The following PRKACB variants were observed in gnomAD, a reference collection of about 807,000 sequenced individuals.
PRKACB encodes the protein protein kinase cAMP-activated catalytic subunit beta, also known as cAMP-dependent protein kinase catalytic subunit beta.
Under a neutral mutation model 51.4 loss-of-function variants are expected in PRKACB, and 16 were observed. The ratio of observed to expected loss-of-function variants is 0.31; its 90% CI spans 0.21 to 0.47. The LOEUF (loss-of-function observed/expected upper bound fraction) is 0.47. Among genes scored for constraint, PRKACB ranks in the 20% least tolerant of loss-of-function variants. The pLI is 1.00. For synonymous variants in PRKACB, 147 were observed against 154.4 expected (o/e 0.95, Z 0.35); for missense variants, 309 against 464.5 (o/e 0.67, Z 3.08).
At chr1:84,120,445 A>G (rs1421347918) in intron 1 of PRKACB, among the ~76,000 whole-genome samples, 1 of 152,120 alleles carries the variant, frequency 6.6e-6, no homozygotes, top group African/African-American at 2.4e-5. Flanking sequence ...AGCAGGTTGG[A>G]AGAAAATATA....
chr1:84,096,578 T>C (rs1482390413), intron 1 of PRKACB, among the ~76,000 whole-genome samples: 1 of 152,130 alleles, frequency 6.6e-6, no homozygotes, highest in Admixed American at 6.6e-5. Context: ...TCTAATCATT[T>C]CCCATCTTTT....
chr1:84,219,094 T>A (rs1249360056), intron 9 of PRKACB, among the ~76,000 whole-genome samples: 2 of 152,220 alleles, frequency 1.3e-5, no homozygotes, highest in Non-Finnish European at 2.9e-5. Context: ...ACAGGTTGTC[T>A]CTTTACTCTT....
intron 1 of PRKACB, among the ~76,000 whole-genome samples, chr1:84,090,952 G>A (rs1348778738): frequency 6.6e-6 from 1 of 152,032 alleles, no homozygotes; most frequent in African/African-American, 2.4e-5. Context: ...GCTTTCCCAG[G>A]AGTCTTTGTA....
intron 1 of PRKACB, among the ~76,000 whole-genome samples, chr1:84,123,454 A>G (rs553421168): frequency 3.9e-5 from 6 of 152,310 alleles, no homozygotes; most frequent in East Asian, 3.9e-4. Flanking sequence ...AGGAGAAACC[A>G]TATGTACAAC....
At position 84,083,618 on chromosome 1, in the gene PRKACB, T is replaced by C. The variant is rs190983491; in HGVS notation, c.46+5247T>C. Among the ~76,000 whole-genome samples, 142 of 152,296 alleles carry C rather than the reference T, an allele frequency of 9.3e-4. 1 individual carries two copies. Among genetic ancestry groups the C allele is most frequent in the African/African-American group, 3.3e-3 (136 of 41,562 alleles). ...AGTTGACCATAATTCATTTTGACAT[T>C]CCATTAAATTAATTTTTAAAAATTA... is the stretch of plus-strand genomic sequence containing the variant. On this transcript the variant is annotated intron_variant, in intron 1 of 8. Transcript: ENST00000370688.
intron 9 of PRKACB, among the ~76,000 whole-genome samples, chr1:84,214,519 G>A (rs1672603074): frequency 2.1e-5 from 3 of 142,804 alleles, no homozygotes; most frequent in South Asian, 4.4e-4. Context: ...TTGAGGTGGA[G>A]TCTCACTCTG....
At chr1:84,148,441 ATCTG>A (rs1304677373) in intron 1 of PRKACB, among the ~76,000 whole-genome samples, 1 of 150,436 alleles carries the variant, frequency 6.6e-6, no homozygotes, top group Non-Finnish European at 1.5e-5. Flanking sequence ...ATCCTTATGT[ATCTG>A]TCTCTCATGT....
At chr1:84,117,683 G>T (rs74386796) in intron 1 of PRKACB, among the ~76,000 whole-genome samples, 2,951 of 151,792 alleles carry the variant, frequency 0.019, 105 homozygotes, top group African/African-American at 0.067. Flanking sequence ...TTGCATCTTC[G>T]CTTTTCTTGG....
Position 84,196,805 on chromosome 1 carries a change from A to C in PRKACB, c.687+63A>C, listed in dbSNP as rs543763992. 1.2e-5 allele frequency: 18 copies of C among 1,458,090 alleles called. No homozygotes were observed. In the African/African-American group the frequency reaches 2.4e-4, roughly 20 times the overall value. 90.3% of individuals were successfully genotyped at this position (1,458,090 alleles called of 1,614,324 possible). ...AAATACTAGGCAAGACATTGTATGT[A>C]TGTAACCCCAACTTGGAATTTTTTT... On this transcript the variant is annotated intron_variant, in intron 6 of 9. Transcript: ENST00000370685.
intron 1 of PRKACB, among the ~76,000 whole-genome samples, chr1:84,102,152 C>T (rs1003763226): frequency 1.1e-4 from 17 of 150,906 alleles, no homozygotes; most frequent in African/African-American, 3.9e-4. Context: ...GGGCAGATCA[C>T]GAGGTCAGGA....
chr1:84,232,351 A>G (rs1675836411), intron 9 of PRKACB, among the ~76,000 whole-genome samples: 2 of 152,186 alleles, frequency 1.3e-5, no homozygotes, highest in Admixed American at 6.5e-5. Context: ...CTCTGTGGTC[A>G]ATATTGGAAT....
At chr1:84,229,111 A>T (rs1182619384) in intron 9 of PRKACB, among the ~76,000 whole-genome samples, 1 of 134,688 alleles carries the variant, frequency 7.4e-6, no homozygotes, top group Non-Finnish European at 1.6e-5. Context: ...TCCCCAGAGT[A>T]TGATGTTCCC....
At chr1:84,211,895 T>C (rs911319872) in intron 8 of PRKACB, among the ~76,000 whole-genome samples, 36 of 152,296 alleles carry the variant, frequency 2.4e-4, no homozygotes, top group African/African-American at 8.2e-4. Flanking sequence ...ACATATCTTA[T>C]TATTTTAGAA....
In PRKACB at chr1:84,093,269, ATC is replaced by A. The variant is rs375522844; in HGVS notation, c.46+14920_46+14921del. On this transcript the variant is annotated intron_variant, in intron 1 of 8. Coordinates refer to the PRKACB transcript ENST00000370688. ...AGTCTGTCTGGAATCAAGTGTGTGC[ATC>A]TCTCTCTCTCTCTCTCTCTCTGTGT... Among the ~76,000 whole-genome samples, 720 of 145,398 alleles carry A rather than the reference ATC, an allele frequency of 5.0e-3. 3 individuals carry two copies. The highest frequency in any genetic ancestry group is 0.012 in the African/African-American group (461 of 39,636).
intron 1 of PRKACB, among the ~76,000 whole-genome samples, chr1:84,089,744 G>A (rs1348979693): frequency 1.3e-5 from 2 of 152,096 alleles, no homozygotes; most frequent in African/African-American, 4.8e-5. Context: ...CAAAGACCTT[G>A]TAATATTCAT....
intron 1 of PRKACB, among the ~76,000 whole-genome samples, chr1:84,165,502 T>C (rs1657128063): frequency 6.6e-6 from 1 of 151,818 alleles, no homozygotes; most frequent in South Asian, 2.1e-4. Context: ...ACCTACAATT[T>C]ATTGAGAAAT....
At chr1:84,107,623 A>G (rs1649860779) in intron 1 of PRKACB, among the ~76,000 whole-genome samples, 1 of 152,172 alleles carries the variant, frequency 6.6e-6, no homozygotes, top group South Asian at 2.1e-4. Context: ...TCTACAGGGA[A>G]CTTAAACAAA....
exon 1 of PRKACB, chr1:84,078,186 C>G: frequency 1.1e-6 from 1 of 929,376 alleles, no homozygotes; most frequent in East Asian, 2.9e-5. Flanking sequence ...GGTCTTCGCG[C>G]CCGGACTCCT....
intron 8 of PRKACB, among the ~76,000 whole-genome samples, chr1:84,209,360 T>G (rs1640704372): frequency 6.6e-6 from 1 of 152,132 alleles, no homozygotes; most frequent in African/African-American, 2.4e-5. Flanking sequence ...GTTTTTGTCC[T>G]CTTTCCTACA....
Sources: gnomAD v4.1 joint callset for allele counts (sites outside exome capture counted in the v4.1 genomes callset) on GRCh38, gnomAD v4.1.1 for gene constraint, MANE v1.5 for transcripts, NCBI Gene and HGNC (gene_info 2026-07-23, HGNC 2026-07-21) for gene names.